SAG: variants seen among roughly 807,000 people sequenced by gnomAD.
SAG encodes S-antigen visual arrestin.
A neutral mutation model predicts 55.0 loss-of-function variants in SAG; 45 were observed. The ratio of observed to expected loss-of-function variants is 0.82; its 90% confidence interval spans 0.64 to 1.05. The LOEUF is 1.05. Ranked by LOEUF, SAG falls within the 50% of genes least tolerant of loss-of-function variation. The pLI, the probability that SAG is intolerant of heterozygous loss-of-function variation, is 0.00. For synonymous variants in SAG, 189 were observed against 197.4 expected (o/e 0.96, Z 0.36); for missense variants, 455 against 512.1 (o/e 0.89, Z 1.08).
intron 11 of SAG, among the ~76,000 whole-genome samples, chr2:233,336,307 G>T (rs1478048079): frequency 6.6e-6 from 1 of 152,144 alleles, no homozygotes; most frequent in Non-Finnish European, 1.5e-5. Flanking sequence ...CTAAGGTCAG[G>T]AGTTGGAGGC....
chr2:233,319,890 C>T lies in SAG; in HGVS notation c.182-740C>T. 3 of 985,726 alleles carry T rather than the reference C, an allele frequency of 3.0e-6. No homozygotes were observed. Among genetic ancestry groups the T allele is most frequent in the Non-Finnish European group, 3.6e-6 (3 of 829,948 alleles). The allele number at this position is 985,726 out of a possible 1,614,324, so 61.1% of individuals were successfully genotyped here. ...CTTTGGGGCTTGCAGGCAAAATTCTCAACCAACAGCTACCACGCACTTGGC... is the reference window on the plus strand; with the variant it reads ...CTTTGGGGCTTGCAGGCAAAATTCTTAACCAACAGCTACCACGCACTTGGC... On this transcript the variant is annotated intron_variant, in intron 4 of 15. Transcript: ENST00000409110. This position sits in a 1 kb window ranked among gnomAD's most constrained non-coding sequence, Gnocchi z 4.4.
At chr2:233,328,992 G>A (rs896648190) in intron 8 of SAG, 1 of 234,734 alleles carries the variant, frequency 4.3e-6, no homozygotes. Context: ...GGAAATTTAA[G>A]TTTTGCAGAA....
At position 233,316,098 on chromosome 2, in the gene SAG, A is replaced by G. The variant is rs368817016; in HGVS notation, c.99A>G (p.Arg33=). 6.3e-7 allele frequency: 1 copy of G among 1,598,426 alleles called. No homozygotes were observed. Among genetic ancestry groups the G allele is most frequent in the Admixed American group, 1.7e-5 (1 of 58,394 alleles). Residue 33 remains arginine, a synonymous_variant, in exon 3 of 16, where the codon AGA becomes AGG. Coordinates refer to ENST00000409110, the MANE Select transcript of SAG (RefSeq NM_000541.5). ...AGGTGACCATCTACCTGGGGAACAG[A>G]GACTACATAGACCATGTCAGCCAAG... ...DKSVTIYLGN[R]DYIDHVSQVQ...
At position 233,338,741 on chromosome 2, in the gene SAG, TCA is replaced by T; in HGVS notation, c.1013_1014del (p.Thr338SerfsTer12). On this transcript the variant is annotated frameshift_variant, in exon 12 of 16. Coordinates refer to ENST00000409110, the MANE Select transcript of SAG (RefSeq NM_000541.5). LOFTEE classifies it high-confidence loss of function. ...GTGTCTTACCAGATCAAGGTGAAGCTCACAGTGTCAGGGTAAGTGTCCCGGCA... is the reference window on the plus strand; with the variant it reads ...GTGTCTTACCAGATCAAGGTGAAGCTCAGTGTCAGGGTAAGTGTCCCGGCA... The T allele has an allele frequency of 1.2e-6, 2 of 1,613,926 alleles. No homozygotes were observed. The highest frequency in any genetic ancestry group is 3.3e-4 in the Middle Eastern group (2 of 6,062).
At chr2:233,328,308 C>G in intron 7 of SAG, 170 bp from the exon 8 acceptor site, 1 of 688,360 alleles carries the variant, frequency 1.5e-6, no homozygotes, top group Non-Finnish European at 2.3e-6. Flanking sequence ...GCTCTTCCAC[C>G]GTCAGGGCTG....
At chr2:233,309,396 A>T in intron 2 of SAG, 132 bp downstream of exon 2, 1 of 754,194 alleles carries the variant, frequency 1.3e-6, no homozygotes. Flanking sequence ...CATGCCTGTA[A>T]TCCCAGCACT....
At chr2:233,331,299 A>G (rs1185008893) in intron 9 of SAG, among the ~76,000 whole-genome samples, 3 of 152,188 alleles carry the variant, frequency 2.0e-5, no homozygotes, top group East Asian at 1.9e-4. Flanking sequence ...TACTGCCTCT[A>G]GCTAGTCTCT....
chr2:233,320,895 A>G lies in SAG; in HGVS notation c.375+72A>G, dbSNP rs1415931196. On this transcript the variant is annotated intron_variant, in intron 5 of 15. Coordinates refer to ENST00000409110, the MANE Select transcript of SAG (RefSeq NM_000541.5). The stretch of plus-strand genomic sequence containing the variant: ...TTATCATGTGGATGGGGGCAAAGGA[A>G]AGGGGATAGAGGAAGAACTTCACAT... 4 of 1,314,566 alleles carry G rather than the reference A, an allele frequency of 3.0e-6. No homozygotes were observed. In the African/African-American group the frequency reaches 6.0e-5, roughly 20 times the overall value. The allele number at this position is 1,314,566 out of a possible 1,614,324, so 81.4% of individuals were successfully genotyped here. A position where few individuals can be genotyped will look rare whatever the true frequency, so the allele number is the denominator to read the frequency against.
At chr2:233,316,690 A>G (rs1351519680) in intron 3 of SAG, among the ~76,000 whole-genome samples, 1 of 152,208 alleles carries the variant, frequency 6.6e-6, no homozygotes, top group African/African-American at 2.4e-5. Context: ...TCAGCAGTAC[A>G]AAAAGCAAGA....
At position 233,335,045 on chromosome 2, in the gene SAG, T is replaced by C. The variant is rs777456696; in HGVS notation, c.890T>C (p.Ile297Thr). ...GCTAACAATCGAGAAAGGAGAGGCATTGCCCTGGATGGGAAAATCAAGCAC... is the reference window on the plus strand; with the variant it reads ...GCTAACAATCGAGAAAGGAGAGGCACTGCCCTGGATGGGAAAATCAAGCAC... ...LLANNRERRG[I>T]ALDGKIKHED... Residue 297 changes from isoleucine (I) to threonine (T), a missense_variant, in exon 11 of 16, where the codon ATT becomes ACT. Transcript: ENST00000409110. 1 of 1,614,002 alleles carries C rather than the reference T, an allele frequency of 6.2e-7. No individual in the cohort carries two copies. Among genetic ancestry groups the C allele is most frequent in the South Asian group, 1.1e-5 (1 of 91,086 alleles).
At chr2:233,338,082 T>G (rs1700994618) in intron 11 of SAG, among the ~76,000 whole-genome samples, 1 of 152,172 alleles carries the variant, frequency 6.6e-6, no homozygotes, top group African/African-American at 2.4e-5. Flanking sequence ...TGCTGGGTGC[T>G]GGGGACACAC....
Position 233,319,591 on chromosome 2 carries a change from G to C in SAG, c.181+796G>C. 1.0e-6 allele frequency: 1 copy of C among 986,552 alleles called. No individual in the cohort carries two copies. The highest frequency in any genetic ancestry group is 1.2e-6 in the Non-Finnish European group (1 of 830,868). 61.1% of individuals were successfully genotyped at this position (986,552 alleles called of 1,614,324 possible). A position where few individuals can be genotyped will look rare whatever the true frequency, so the allele number is the denominator to read the frequency against. On this transcript the variant is annotated intron_variant, in intron 4 of 15. Coordinates refer to ENST00000409110, the MANE Select transcript of SAG (RefSeq NM_000541.5). This position sits in a 1 kb window ranked among gnomAD's most constrained non-coding sequence, Gnocchi z 4.4. ...TCAGCTATGGGGCCATCAGCATTGA[G>C]GGGGCATGGCTGAAATGGGGCCCCA...
intron 12 of SAG, 56 bp downstream of exon 12, chr2:233,338,809 A>C (rs746011440): frequency 7.0e-7 from 1 of 1,433,994 alleles, no homozygotes. Flanking sequence ...AGATGGTCTG[A>C]ACTTTTCCTT....
In SAG at chr2:233,320,617, A is replaced by C; in HGVS notation, c.182-13A>C. ...GAGGGCCAAGTCCGACCCTGCCTTCATCTCCCTTGCAGTGTATGTCACTCT... is the reference window on the plus strand; with the variant it reads ...GAGGGCCAAGTCCGACCCTGCCTTCCTCTCCCTTGCAGTGTATGTCACTCT... On this transcript the variant is annotated splice_polypyrimidine_tract_variant and intron_variant, in intron 4 of 15. Transcript: ENST00000409110. 3 of 1,563,354 alleles carry C rather than the reference A, an allele frequency of 1.9e-6. No homozygotes were observed. Among genetic ancestry groups the C allele is most frequent in the Non-Finnish European group, 2.6e-6 (3 of 1,158,264 alleles).
chr2:233,325,255 C>G (rs796564800), intron 6 of SAG, among the ~76,000 whole-genome samples: 15 of 149,556 alleles, frequency 1.0e-4, no homozygotes, highest in African/African-American at 3.5e-4. Context: ...ACTTGGGAGG[C>G]TGAGGTAGGA....
rs1160145120 is a variant in SAG at position 233,328,561 on chromosome 2, A to G, written c.596A>G (p.Gln199Arg). ...GPQPRAEAAW[Q>R]FFMSDKPLHL... Reference sequence around the variant, plus strand: ...CAGCCCCGAGCTGAGGCGGCCTGGCAGTTCTTCATGTCTGACAAGCCCCTG... The same window carrying G: ...CAGCCCCGAGCTGAGGCGGCCTGGCGGTTCTTCATGTCTGACAAGCCCCTG... The change falls in exon 8 of 16, where the codon CAG becomes CGG. Residue 199 changes from glutamine to arginine, a missense_variant. Physicochemically the swap from Gln to Arg is conservative, Grantham distance 43. Coordinates refer to ENST00000409110, the MANE Select transcript of SAG (RefSeq NM_000541.5). 6.2e-7 allele frequency: 1 copy of G among 1,613,948 alleles called. No individual in the cohort carries two copies.
chr2:233,338,385 A>G (rs1203397708), intron 11 of SAG: 2 of 347,386 alleles, frequency 5.8e-6, no homozygotes, highest in Non-Finnish European at 1.1e-5. Flanking sequence ...GCTGAGGAGG[A>G]TGACCGGGGG....
chr2:233,328,733 TA>T, intron 8 of SAG, 120 bp downstream of exon 8: 1 of 1,144,716 alleles, frequency 8.7e-7, no homozygotes. Flanking sequence ...AGCTTGTTTC[TA>T]GGATAAAGCA....
Position 233,318,661 on chromosome 2 carries a change from T to G in SAG, c.137-90T>G. On this transcript the variant is annotated intron_variant, in intron 3 of 15. Transcript: ENST00000409110. ...TCTTATAATGAACATGGATTACATG[T>G]GTAATTAAAAACATGCGCAGTTTTT... The G allele has an allele frequency of 7.4e-6, 8 of 1,078,930 alleles. No individual in the cohort carries two copies. In the South Asian group the frequency reaches 1.0e-4, roughly 14 times the overall value. The allele number at this position is 1,078,930 out of a possible 1,614,324, so 66.8% of individuals were successfully genotyped here.
Sources: gnomAD v4.1 joint callset for allele counts (sites outside exome capture counted in the v4.1 genomes callset) on GRCh38, gnomAD v4.1.1 for gene constraint, Gnocchi (gnomAD v3.1) non-coding constraint, MANE v1.5 for transcripts, NCBI Gene and HGNC (gene_info 2026-07-23, HGNC 2026-07-21) for gene names.